NUP155: variants seen among roughly 807,000 people sequenced by gnomAD.
NUP155 encodes nucleoporin 155.
A neutral mutation model predicts 180.4 loss-of-function variants in NUP155; 71 were observed. The observed-to-expected ratio is 0.39, with a 90% CI of 0.33 to 0.48. The LOEUF (loss-of-function observed/expected upper bound fraction) is 0.48, where lower values mean the gene tolerates loss of function less well. Among genes scored for constraint, NUP155 ranks in the 20% least tolerant of loss-of-function variants. The probability of loss-of-function intolerance (pLI) is 0.91; values close to 1 mark genes in which losing one functional copy is unlikely to be tolerated. For synonymous variants in NUP155, 582 were observed against 559.5 expected (o/e 1.04, Z -0.57); for missense variants, 1,553 against 1,648.9 (o/e 0.94, Z 1.01).
intron 1 of NUP155, among the ~76,000 whole-genome samples, chr5:37,367,043 TTC>T (rs1482622942): frequency 2.0e-5 from 3 of 148,854 alleles, no homozygotes; most frequent in East Asian, 1.9e-4. Context: ...CGAACTCTTT[TTC>T]TCTTTTTTTT....
At chr5:37,294,183 G>C (rs1179383365) in intron 33 of NUP155, 146 bp downstream of exon 33, 5 of 592,950 alleles carry the variant, frequency 8.4e-6, no homozygotes, top group African/African-American at 7.5e-5. Context: ...AGTTTAAAAA[G>C]TCAAAAGCAT....
intron 26 of NUP155, 107 bp from the exon 27 acceptor site, chr5:37,304,950 A>G (rs773417081): frequency 2.0e-6 from 3 of 1,519,778 alleles, no homozygotes; most frequent in East Asian, 2.3e-5. Context: ...TCCTTACATG[A>G]TAACTTCTAA....
chr5:37,365,752 TACACACACACACACACACACAC>T (rs372031424), intron 1 of NUP155, among the ~76,000 whole-genome samples: 1 of 37,898 alleles, frequency 2.6e-5, no homozygotes, highest in African/African-American at 1.1e-4. Flanking sequence ...TATATATATA[TACACACACACACACACACACAC>T]ACACACACAC....
Position 37,351,227 on chromosome 5 carries a change from G to C in NUP155, c.686C>G (p.Ala229Gly). 6.2e-7 allele frequency: 1 copy of C among 1,613,776 alleles called. No individual in the cohort carries two copies. Among genetic ancestry groups the C allele is most frequent in the Non-Finnish European group, 8.5e-7 (1 of 1,179,870 alleles). The change falls in exon 6 of 35, where the codon GCT becomes GGT. Residue 229 changes from alanine to glycine, a missense_variant. Ala to Gly is a moderately conservative substitution (Grantham distance 60). Coordinates refer to ENST00000231498, the MANE Select transcript of NUP155 (RefSeq NM_153485.3). ...TSTDNGRIFL[A>G]GKDGCLYEVA... ...TTCATATAAACAGCCATCCTTTCCAGCCAAGAAAATTCTGCCATTATCAGT... is the reference window on the plus strand; with the variant it reads ...TTCATATAAACAGCCATCCTTTCCACCCAAGAAAATTCTGCCATTATCAGT...
chr5:37,321,784 TAA>T (rs1397335188), intron 20 of NUP155, among the ~76,000 whole-genome samples: 1 of 152,214 alleles, frequency 6.6e-6, no homozygotes. Context: ...TAATGTTATA[TAA>T]AAGTGTACTT....
At chr5:37,327,939 A>G (rs1744711191) in intron 17 of NUP155, among the ~76,000 whole-genome samples, 163 bp from the exon 18 acceptor site, 1 of 152,226 alleles carries the variant, frequency 6.6e-6, no homozygotes, top group South Asian at 2.1e-4. Context: ...GGTATTTACA[A>G]AAACAATGAA....
chr5:37,333,285 G>A (rs1745098931), intron 13 of NUP155, among the ~76,000 whole-genome samples, 178 bp downstream of exon 13: 1 of 152,112 alleles, frequency 6.6e-6, no homozygotes, highest in Admixed American at 6.5e-5. Flanking sequence ...ATCTGGGGAG[G>A]CAGAGGTTGC....
intron 22 of NUP155, among the ~76,000 whole-genome samples, chr5:37,313,168 C>G (rs913225633): frequency 6.6e-6 from 1 of 151,964 alleles, no homozygotes; most frequent in Non-Finnish European, 1.5e-5. Flanking sequence ...TGGTGGGTCA[C>G]GTCTGTAATC....
chr5:37,317,251 G>A (rs975750893), intron 21 of NUP155, among the ~76,000 whole-genome samples: 1 of 152,050 alleles, frequency 6.6e-6, no homozygotes, highest in African/African-American at 2.4e-5. Flanking sequence ...CACTTTGGGA[G>A]GCCGAGGCGG....
chr5:37,363,585 CCAA>C (rs1266512036), intron 3 of NUP155, among the ~76,000 whole-genome samples: 1 of 152,124 alleles, frequency 6.6e-6, no homozygotes, highest in Non-Finnish European at 1.5e-5. Context: ...CAATGAATTG[CCAA>C]CATCTATTTT....
chr5:37,324,180 T>C (rs1744431648), intron 19 of NUP155, 73 bp from the exon 20 acceptor site: 2 of 887,580 alleles, frequency 2.3e-6, no homozygotes, highest in South Asian at 2.8e-5. Flanking sequence ...ACAATTTTAA[T>C]TTTGAAATGA....
At chr5:37,329,464 A>G (rs1008915984) in intron 15 of NUP155, among the ~76,000 whole-genome samples, 186 bp from the exon 16 acceptor site, 1 of 152,218 alleles carries the variant, frequency 6.6e-6, no homozygotes, top group Non-Finnish European at 1.5e-5. Flanking sequence ...GTAAATGTGG[A>G]CTTGAAACTG....
intron 27 of NUP155, 42 bp from the exon 28 acceptor site, chr5:37,303,456 T>A: frequency 1.3e-6 from 2 of 1,513,806 alleles, no homozygotes; most frequent in South Asian, 1.1e-5. Flanking sequence ...TCTAACCACC[T>A]ACAGATAATG....
At chr5:37,328,027 CA>C (rs902990674) in intron 17 of NUP155, among the ~76,000 whole-genome samples, 3 of 152,110 alleles carry the variant, frequency 2.0e-5, no homozygotes, top group African/African-American at 7.2e-5. Flanking sequence ...GATAGACTTG[CA>C]AGTGTTCACA....
intron 30 of NUP155, among the ~76,000 whole-genome samples, chr5:37,299,940 C>T (rs1217373758): frequency 6.7e-6 from 1 of 149,864 alleles, no homozygotes; most frequent in Non-Finnish European, 1.5e-5. Context: ...ACTCAGGAGG[C>T]TGAGGAAGGT....
Position 37,329,297 on chromosome 5 carries a change from G to T in NUP155, c.1725-19C>A, listed in dbSNP as rs562946340. On this transcript the variant is annotated intron_variant, in intron 15 of 34. Transcript: ENST00000231498. ...ACCATACCTATTTTTATGACAAGAG[G>T]TTGAGTTTATTCAGTAAAACAAACC... 5.0e-6 allele frequency: 8 copies of T among 1,592,944 alleles called. No homozygotes were observed. The highest frequency in any genetic ancestry group is 6.9e-6 in the Non-Finnish European group (8 of 1,160,826).
chr5:37,358,178 T>C (rs1561812863), intron 3 of NUP155, 27 bp from the exon 4 acceptor site: 1 of 1,536,382 alleles, frequency 6.5e-7, no homozygotes, highest in South Asian at 1.1e-5. Context: ...AAAAACATGT[T>C]ACACATATAA....
intron 1 of NUP155, among the ~76,000 whole-genome samples, chr5:37,364,790 C>G (rs1456230752): frequency 6.6e-6 from 1 of 151,776 alleles, no homozygotes; most frequent in Non-Finnish European, 1.5e-5. Context: ...GCGTCCGCCA[C>G]CACACCCGGC....
chr5:37,358,260 C>T, intron 3 of NUP155, 109 bp from the exon 4 acceptor site: 1 of 787,966 alleles, frequency 1.3e-6, no homozygotes, highest in South Asian at 1.3e-5. Context: ...AGGAGGACTG[C>T]CTGAGCCCAG....
Sources: gnomAD v4.1 joint callset for allele counts (sites outside exome capture counted in the v4.1 genomes callset) on GRCh38, gnomAD v4.1.1 for gene constraint, MANE v1.5 for transcripts, NCBI Gene and HGNC (gene_info 2026-07-23, HGNC 2026-07-21) for gene names.